DNAJC3: variants seen among roughly 807,000 people sequenced by gnomAD.
DNAJC3 encodes dnaJ homolog subfamily C member 3.
Under a neutral mutation model 68.6 loss-of-function variants are expected in DNAJC3, and 38 were observed. The ratio of observed to expected loss-of-function variants is 0.55; its 90% CI spans 0.43 to 0.73. The LOEUF is 0.73. Among genes scored for constraint, DNAJC3 ranks in the 30% least tolerant of loss-of-function variants. The pLI is 0.00. For synonymous variants in DNAJC3, 203 were observed against 204.0 expected (o/e 1.00, Z 0.04); for missense variants, 526 against 591.9 (o/e 0.89, Z 1.16).
rs1223356967 is a variant in DNAJC3, at chr13:95,742,709, C to G, written c.394-14935C>G. The G allele has an allele frequency of 7.7e-6, 4 of 518,950 alleles. No individual in the cohort carries two copies. The Admixed American group carries it at 7.8e-5, about 10-fold the overall frequency. The allele number at this position is 518,950 out of a possible 1,614,324, so 32.1% of individuals were successfully genotyped here. A position where few individuals can be genotyped will look rare whatever the true frequency, so the allele number is the denominator to read the frequency against. On this transcript the variant is annotated intron_variant, in intron 4 of 11. Coordinates refer to ENST00000602402, the MANE Select transcript of DNAJC3 (RefSeq NM_006260.5). The stretch of plus-strand genomic sequence containing the variant: ...TCTATACTTGCTATTTTGGTTCTTC[C>G]TTATGAAGAAGGTGACTTTCAGATG...
At position 95,732,927 on chromosome 13, in the gene DNAJC3, A is replaced by T. The variant is rs1031109679; in HGVS notation, c.393+7675A>T. 3.3e-5 allele frequency among the ~76,000 whole-genome samples: 5 copies of T among 151,854 alleles called. No homozygotes were observed. The East Asian group carries it at 9.6e-4, about 29-fold the overall frequency. The stretch of plus-strand genomic sequence containing the variant: ...ATCTTAATTTCTTGACAGAGTTTTC[A>T]TGTATTTGTATAGTTTCCAAAGTTC... On this transcript the variant is annotated intron_variant, in intron 4 of 11. Transcript: ENST00000602402.
At chr13:95,691,553 C>T (rs538880291) in intron 1 of DNAJC3, among the ~76,000 whole-genome samples, 63 of 151,556 alleles carry the variant, frequency 4.2e-4, no homozygotes, top group Admixed American at 1.6e-3. Flanking sequence ...CGGGCAGAGA[C>T]GCTCCTCACT....
intron 1 of DNAJC3, among the ~76,000 whole-genome samples, chr13:95,708,646 C>CT (rs926421303): frequency 6.6e-6 from 1 of 152,150 alleles, no homozygotes; most frequent in African/African-American, 2.4e-5. Context: ...ATTTGCTACT[C>CT]TAAGTCCCCT....
intron 1 of DNAJC3, among the ~76,000 whole-genome samples, chr13:95,682,920 GCATACC>G (rs1283288655): frequency 6.6e-6 from 1 of 152,138 alleles, no homozygotes; most frequent in Admixed American, 6.5e-5. Flanking sequence ...AACAAATATT[GCATACC>G]CACTATGTGC....
At chr13:95,743,825 C>G (rs2139661101) in intron 4 of DNAJC3, among the ~76,000 whole-genome samples, 2 of 152,228 alleles carry the variant, frequency 1.3e-5, no homozygotes, top group Middle Eastern at 3.4e-3. Flanking sequence ...TCCCAAAGTG[C>G]TGGGATTATG....
intron 2 of DNAJC3, among the ~76,000 whole-genome samples, chr13:95,710,659 G>GTGTTT (rs551286955): frequency 8.4e-4 from 127 of 151,746 alleles, no homozygotes; most frequent in Admixed American, 2.4e-3. Flanking sequence ...ACCGAGGGTG[G>GTGTTT]TGTTTTGTTT....
chr13:95,734,970 T>A (rs1161093101), intron 4 of DNAJC3, among the ~76,000 whole-genome samples: 1 of 50,504 alleles, frequency 2.0e-5, no homozygotes, highest in Non-Finnish European at 3.8e-5. Flanking sequence ...CCCTCCCCCC[T>A]CCCCCCCACC....
At chr13:95,765,567 G>GTTTTTTT (rs1024972959) in intron 9 of DNAJC3, among the ~76,000 whole-genome samples, 1 of 102,336 alleles carries the variant, frequency 9.8e-6, no homozygotes, top group Non-Finnish European at 2.0e-5. Flanking sequence ...TAATTGATCT[G>GTTTTTTT]TTTTTTTTTT....
intron 1 of DNAJC3, chr13:95,692,511 T>C (rs1184143944): frequency 6.6e-6 from 1 of 152,132 alleles, no homozygotes; most frequent in Non-Finnish European, 1.5e-5. Context: ...ATTGAATCTT[T>C]TATTATTTTA....
chr13:95,682,983 C>T (rs2139596766), intron 1 of DNAJC3, among the ~76,000 whole-genome samples: 1 of 152,318 alleles, frequency 6.6e-6, no homozygotes, highest in Middle Eastern at 3.4e-3. Context: ...AGCTCCTCCT[C>T]TCAAACTTGC....
Position 95,715,776 on chromosome 13 carries a change from T to C in DNAJC3, c.193+6439T>C, listed in dbSNP as rs182347827. Among the ~76,000 whole-genome samples, 333 of 151,800 alleles carry C rather than the reference T, an allele frequency of 2.2e-3. 5 individuals carry two copies. Among genetic ancestry groups the C allele is most frequent in the Middle Eastern group, 0.01 (3 of 294 alleles). ...TGTTGGGATTACAGGCATGAGCCAC[T>C]GCGCCCAGCCACACATCATGATTTC... On this transcript the variant is annotated intron_variant, in intron 2 of 11. Transcript: ENST00000602402.
At chr13:95,757,049 A>G (rs1882683730) in intron 4 of DNAJC3, among the ~76,000 whole-genome samples, 1 of 152,208 alleles carries the variant, frequency 6.6e-6, no homozygotes, top group Non-Finnish European at 1.5e-5. Context: ...AAGTTATTTT[A>G]AAAAGAGGCA....
At chr13:95,743,613 A>G (rs544015854) in intron 4 of DNAJC3, among the ~76,000 whole-genome samples, 1 of 152,222 alleles carries the variant, frequency 6.6e-6, no homozygotes, top group Non-Finnish European at 1.5e-5. Flanking sequence ...GCTGGAGTGT[A>G]GTGGCATGAT....
At position 95,740,809 on chromosome 13, in the gene DNAJC3, T is replaced by C. The variant is rs1882116885; in HGVS notation, c.393+15557T>C. Among the ~76,000 whole-genome samples, 2 of 152,238 alleles carry C rather than the reference T, an allele frequency of 1.3e-5. 1 individual carries two copies. The highest frequency in any genetic ancestry group is 4.1e-4 in the South Asian group (2 of 4,838). On this transcript the variant is annotated intron_variant, in intron 4 of 11. Coordinates refer to ENST00000602402, the MANE Select transcript of DNAJC3 (RefSeq NM_006260.5). ...CGCTGGGAGCTGTAGACCGGAGCTG[T>C]TCCTATTCGGCCATCTTGGCTCCTC...
At chr13:95,740,399 C>T (rs1593994747) in intron 4 of DNAJC3, among the ~76,000 whole-genome samples, 1 of 152,160 alleles carries the variant, frequency 6.6e-6, no homozygotes, top group Non-Finnish European at 1.5e-5. Flanking sequence ...GGCGGGCGCC[C>T]CTCCCCCAGC....
intron 4 of DNAJC3, among the ~76,000 whole-genome samples, chr13:95,740,928 T>A (rs888624189): frequency 6.6e-6 from 1 of 152,236 alleles, no homozygotes; most frequent in Non-Finnish European, 1.5e-5. Context: ...TATGTATCTC[T>A]TTTATACATT....
chr13:95,736,695 G>A (rs1244858170), intron 4 of DNAJC3, among the ~76,000 whole-genome samples: 1 of 149,742 alleles, frequency 6.7e-6, no homozygotes, highest in Non-Finnish European at 1.5e-5. Flanking sequence ...TGCTGAAGTT[G>A]CTTATCAGCT....
At chr13:95,747,584 G>C (rs2389372) in intron 4 of DNAJC3, among the ~76,000 whole-genome samples, 50,669 of 152,012 alleles carry the variant, frequency 0.33, 8,726 homozygotes, top group Middle Eastern at 0.4. Context: ...GCCAGGAATT[G>C]GCTCTTTATG....
chr13:95,769,031 A>AT (rs1555328547), intron 9 of DNAJC3, among the ~76,000 whole-genome samples: 8 of 105,336 alleles, frequency 7.6e-5, no homozygotes, highest in Admixed American at 3.8e-4. Context: ...ATCTATATCT[A>AT]ATCTATATCT....
Sources: gnomAD v4.1 joint callset for allele counts (sites outside exome capture counted in the v4.1 genomes callset) on GRCh38, gnomAD v4.1.1 for gene constraint, MANE v1.5 for transcripts, NCBI Gene and HGNC (gene_info 2026-07-23, HGNC 2026-07-21) for gene names.